The following ZNF577 variants were observed in gnomAD, a reference collection of about 807,000 sequenced individuals.
The protein encoded by ZNF577 is zinc finger protein 577.
ZNF577 carries 14 observed loss-of-function variants against 13.9 expected under a neutral mutation model. The ratio of observed to expected loss-of-function variants is 1.00; its 90% CI spans 0.66 to 1.57. The LOEUF (loss-of-function observed/expected upper bound fraction) is 1.57. ZNF577 is among the 40% of genes most tolerant of loss of function. ZNF577 has a pLI of 0.00. For missense variants in ZNF577, 555 were observed against 579.2 expected (o/e 0.96, Z 0.43); for synonymous variants, 203 against 202.9 (o/e 1.00, Z 0.00).
At chr19:51,826,613 C>G (rs753286738) in intron 9 of ZNF577, among the ~76,000 whole-genome samples, 7 of 152,168 alleles carry the variant, frequency 4.6e-5, no homozygotes, top group Non-Finnish European at 7.3e-5. Flanking sequence ...GCTGCACAGA[C>G]AAAACCAGTT....
At chr19:51,842,028 T>C (rs1180563886) in intron 8 of ZNF577, among the ~76,000 whole-genome samples, 1 of 152,126 alleles carries the variant, frequency 6.6e-6, no homozygotes, top group African/African-American at 2.4e-5. Flanking sequence ...AAATATATAA[T>C]AGGCTTGAAG....
chr19:51,833,206 C>CT (rs2084269160), intron 9 of ZNF577, among the ~76,000 whole-genome samples: 2 of 134,752 alleles, frequency 1.5e-5, no homozygotes, highest in Non-Finnish European at 3.2e-5. Context: ...CTACCGGGCT[C>CT]TACCTGTGTT....
Position 51,872,754 on chromosome 19 carries a change from T to C in ZNF577, c.1236A>G (p.Thr412=), listed in dbSNP as rs2084680486. The C allele has an allele frequency of 6.2e-7, 1 of 1,614,114 alleles. No individual in the cohort carries two copies. Among genetic ancestry groups the C allele is most frequent in the African/African-American group, 1.3e-5 (1 of 74,944 alleles). The change falls in exon 6 of 6, where the codon ACA becomes ACG. Residue 412 remains threonine, a synonymous_variant. Transcript: ENST00000638348. ...ELIQEQKTVN[T]VPIEMPSSGT... ...CTGAGGAAGGCATTTCTATAGGTAC[T>C]GTGTTCACAGTCTTTTGCTCTTGTA... is the stretch of plus-strand genomic sequence containing the variant.
intron 10 of ZNF577, among the ~76,000 whole-genome samples, chr19:51,806,606 T>C (rs986161650): frequency 6.6e-6 from 1 of 152,244 alleles, no homozygotes; most frequent in African/African-American, 2.4e-5. Flanking sequence ...TCTAGGATTA[T>C]AAGGAATTCC....
At chr19:51,805,275 C>T (rs770152946) in intron 10 of ZNF577, 6 of 152,164 alleles carry the variant, frequency 3.9e-5, no homozygotes, top group South Asian at 2.1e-4. Context: ...AAGACAGAGA[C>T]AAAACAACAT....
Position 51,824,989 on chromosome 19 carries a change from G to T in ZNF577, c.*600-13315C>A. 1.7e-6 allele frequency: 1 copy of T among 595,282 alleles called. No individual in the cohort carries two copies. Among genetic ancestry groups the T allele is most frequent in the South Asian group, 2.2e-5 (1 of 44,568 alleles). 36.9% of individuals were successfully genotyped at this position (595,282 alleles called of 1,614,324 possible). Reference sequence around the variant, plus strand: ...CAACCAAGCAATAGACACCAGCTGGGTGTCCTACAATTAAATTCCAACACT... The same window carrying T: ...CAACCAAGCAATAGACACCAGCTGGTTGTCCTACAATTAAATTCCAACACT... On this transcript the variant is annotated intron_variant and NMD_transcript_variant, in intron 9 of 10. Coordinates refer to the ZNF577 transcript ENST00000638827. This position sits in a 1 kb window ranked among gnomAD's most constrained non-coding sequence, Gnocchi z 4.7.
Position 51,875,363 on chromosome 19 carries a change from C to CAAA in ZNF577, c.284-1660_284-1658dup, listed in dbSNP as rs538987406. Among the ~76,000 whole-genome samples the CAAA allele has an allele frequency of 2.1e-3, 133 of 63,684 alleles. 1 individual carries two copies. The Middle Eastern group carries it at 0.025, about 12-fold the overall frequency. The allele number at this position is 63,684 out of a possible 152,430, so 41.8% of individuals were successfully genotyped here. A position where few individuals can be genotyped will look rare whatever the true frequency, so the allele number is the denominator to read the frequency against. ...GGGCAACAAAAGCAAAACTCTGTCA[C>CAAA]AAAAAAAAAAAAAAAAAAAAAGAGA... On this transcript the variant is annotated intron_variant, in intron 5 of 5. Coordinates refer to ENST00000638348, the MANE Select transcript of ZNF577 (RefSeq NM_001370449.1).
downstream of ZNF577, among the ~76,000 whole-genome samples, chr19:51,864,293 C>A (rs1040646856): frequency 3.3e-4 from 50 of 152,222 alleles, 1 homozygote; most frequent in Non-Finnish European, 1.8e-4. Flanking sequence ...TTGTCAAAAT[C>A]TGAAGTCTTT....
chr19:51,826,502 T>C (rs947608190), intron 9 of ZNF577, among the ~76,000 whole-genome samples: 5 of 152,204 alleles, frequency 3.3e-5, no homozygotes, highest in African/African-American at 1.2e-4. Context: ...CTTTTTCACA[T>C]TGTTCACTTT....
chr19:51,861,287 GTTT>G (rs557987704), intron 5 of ZNF577: 1 of 146,252 alleles, frequency 6.8e-6, no homozygotes, highest in Non-Finnish European at 1.5e-5. Context: ...CTGGCTATTT[GTTT>G]TTTTTTTTTT....
rs1381545872 is a variant in ZNF577, at chr19:51,829,619, G to A, written c.*599+10274C>T. Among the ~76,000 whole-genome samples the A allele has an allele frequency of 2.6e-5, 4 of 152,292 alleles. No homozygotes were observed. The South Asian group carries it at 6.2e-4, about 24-fold the overall frequency. On this transcript the variant is annotated intron_variant and NMD_transcript_variant, in intron 9 of 10. Coordinates refer to the ZNF577 transcript ENST00000638827. ...CCGATCTCCTACACATCTCACTGAT[G>A]AGAGAGCCACAGGATACCAGGCTCC...
intron 9 of ZNF577, among the ~76,000 whole-genome samples, chr19:51,817,292 A>G (rs954391245): frequency 6.6e-6 from 1 of 152,116 alleles, no homozygotes; most frequent in African/African-American, 2.4e-5. Context: ...ACTGTACTAC[A>G]CTCAACAAAC....
At chr19:51,826,611 G>C (rs1485237818) in intron 9 of ZNF577, among the ~76,000 whole-genome samples, 1 of 152,182 alleles carries the variant, frequency 6.6e-6, no homozygotes, top group East Asian at 1.9e-4. Flanking sequence ...CTGCTGCACA[G>C]ACAAAACCAG....
intron 9 of ZNF577, among the ~76,000 whole-genome samples, chr19:51,829,405 C>G (rs1170368020): frequency 6.6e-6 from 1 of 151,130 alleles, no homozygotes; most frequent in Non-Finnish European, 1.5e-5. Flanking sequence ...TGATTAAATA[C>G]CAGGTTCCGA....
intron 10 of ZNF577, among the ~76,000 whole-genome samples, chr19:51,809,301 C>T (rs1327553200): frequency 6.6e-6 from 1 of 152,216 alleles, no homozygotes; most frequent in East Asian, 1.9e-4. Context: ...TGTTCCTACT[C>T]CCACTAGGGA....
At chr19:51,818,184 C>T (rs1174997796) in intron 9 of ZNF577, among the ~76,000 whole-genome samples, 2 of 152,250 alleles carry the variant, frequency 1.3e-5, no homozygotes, top group Non-Finnish European at 2.9e-5. Flanking sequence ...AAATGCATCT[C>T]ATGTCTTCTA....
intron 3 of ZNF577, among the ~76,000 whole-genome samples, chr19:51,879,083 C>T (rs2084816397): frequency 6.6e-6 from 1 of 151,748 alleles, no homozygotes; most frequent in South Asian, 2.1e-4. Context: ...CAGTGAAACC[C>T]CATCTCCACT....
intron 5 of ZNF577, among the ~76,000 whole-genome samples, chr19:51,856,887 AG>A (rs1299759562): frequency 6.6e-6 from 1 of 152,062 alleles, no homozygotes; most frequent in Non-Finnish European, 1.5e-5. Context: ...AGTACTTCCT[AG>A]AAGCAGCATG....
chr19:51,873,870 A>G (rs79039533), intron 5 of ZNF577, among the ~76,000 whole-genome samples, 164 bp from the exon 6 acceptor site: 10,008 of 152,254 alleles, frequency 0.066, 464 homozygotes, highest in Non-Finnish European at 0.099. Flanking sequence ...ACCACTGCAT[A>G]TGGTAAACCC....
Sources: allele counts gnomAD v4.1 joint callset (sites outside exome capture counted in the v4.1 genomes callset), GRCh38; gene constraint gnomAD v4.1.1; non-coding constraint Gnocchi (gnomAD v3.1); transcripts MANE v1.5; gene names NCBI Gene and HGNC (gene_info 2026-07-23, HGNC 2026-07-21).